Variants in ARHGAP15 observed in about 807,000 individuals in gnomAD.
ARHGAP15 encodes rho GTPase-activating protein 15.
ARHGAP15 carries 51 observed loss-of-function variants against 63.7 expected under a neutral mutation model. The ratio of observed to expected loss-of-function variants is 0.80; its 90% CI spans 0.64 to 1.01. The LOEUF (loss-of-function observed/expected upper bound fraction) is 1.01, where lower values mean the gene tolerates loss of function less well. Ranked by LOEUF, ARHGAP15 falls within the 50% of genes least tolerant of loss-of-function variation. ARHGAP15 has a pLI of 0.00. For synonymous variants in ARHGAP15, 191 were observed against 193.8 expected (o/e 0.99, Z 0.12); for missense variants, 560 against 564.6 (o/e 0.99, Z 0.08).
At chr2:143,669,419 G>C (rs990768015) in intron 12 of ARHGAP15, among the ~76,000 whole-genome samples, 1 of 152,144 alleles carries the variant, frequency 6.6e-6, no homozygotes, top group African/African-American at 2.4e-5. Flanking sequence ...CTAATGCCTA[G>C]AACAGTGCCT....
rs555422054 is a variant in ARHGAP15, at chr2:143,454,649, C to T, written c.703+17607C>T. 5.3e-5 allele frequency among the ~76,000 whole-genome samples: 8 copies of T among 152,152 alleles called. No homozygotes were observed. In the East Asian group the frequency reaches 1.5e-3, roughly 29 times the overall value. The stretch of plus-strand genomic sequence containing the variant: ...AAGATGCAAGTTGCACAGAGCAATA[C>T]TCCTCCTAATATTTTTCTTACGTTC... On this transcript the variant is annotated intron_variant, in intron 8 of 13. Transcript: ENST00000295095.
chr2:143,167,318 C>T (rs2105037881), intron 2 of ARHGAP15, among the ~76,000 whole-genome samples: 1 of 152,202 alleles, frequency 6.6e-6, no homozygotes, highest in Admixed American at 6.5e-5. Flanking sequence ...CTTTAAAGTA[C>T]TTGCTGGCCA....
intron 13 of ARHGAP15, among the ~76,000 whole-genome samples, chr2:143,748,689 T>C (rs1392665686): frequency 6.6e-6 from 1 of 152,168 alleles, no homozygotes; most frequent in Non-Finnish European, 1.5e-5. Context: ...TAAGGTAAAG[T>C]GTATTAACTT....
At chr2:143,323,204 G>C (rs951643168) in intron 6 of ARHGAP15, among the ~76,000 whole-genome samples, 1 of 152,190 alleles carries the variant, frequency 6.6e-6, no homozygotes, top group African/African-American at 2.4e-5. Context: ...ACACGTACAG[G>C]TTTGTTACAT....
At chr2:143,413,760 C>T (rs1688543930) in intron 6 of ARHGAP15, among the ~76,000 whole-genome samples, 1 of 152,118 alleles carries the variant, frequency 6.6e-6, no homozygotes, top group South Asian at 2.1e-4. Flanking sequence ...AGGCATGAGC[C>T]ACTTCAACCA....
intron 2 of ARHGAP15, among the ~76,000 whole-genome samples, chr2:143,178,882 G>C (rs1427901795): frequency 6.6e-6 from 1 of 152,188 alleles, no homozygotes; most frequent in Non-Finnish European, 1.5e-5. Context: ...ATATAGAATT[G>C]CTTGAGCACC....
intron 6 of ARHGAP15, among the ~76,000 whole-genome samples, chr2:143,357,953 A>G (rs1685877245): frequency 1.3e-5 from 2 of 152,346 alleles, no homozygotes. Context: ...AACTTGATGT[A>G]TCGAGTAAGG....
At chr2:143,650,109 A>G (rs1681088029) in intron 12 of ARHGAP15, among the ~76,000 whole-genome samples, 1 of 151,824 alleles carries the variant, frequency 6.6e-6, no homozygotes, top group East Asian at 1.9e-4. Flanking sequence ...CTGGGGAAAA[A>G]AATGATAACT....
chr2:143,289,438 G>A (rs940237466), intron 6 of ARHGAP15, among the ~76,000 whole-genome samples: 5 of 152,220 alleles, frequency 3.3e-5, no homozygotes, highest in African/African-American at 7.2e-5. Context: ...GGAGTTTGAT[G>A]TATTGAAAGG....
At chr2:143,168,275 G>A (rs1690627727) in intron 2 of ARHGAP15, among the ~76,000 whole-genome samples, 1 of 151,982 alleles carries the variant, frequency 6.6e-6, no homozygotes, top group South Asian at 2.1e-4. Flanking sequence ...GGGTGCAAGT[G>A]CAAGCAATCC....
intron 11 of ARHGAP15, among the ~76,000 whole-genome samples, chr2:143,557,586 G>A (rs968954944): frequency 6.6e-6 from 1 of 151,960 alleles, no homozygotes; most frequent in African/African-American, 2.4e-5. Context: ...CCCATAAAAT[G>A]CAACACAAAG....
chr2:143,335,865 C>T (rs1684749293), intron 6 of ARHGAP15, among the ~76,000 whole-genome samples: 1 of 152,118 alleles, frequency 6.6e-6, no homozygotes, highest in Non-Finnish European at 1.5e-5. Flanking sequence ...AGAGGAAATG[C>T]ACTCCAAGAA....
chr2:143,486,714 C>T (rs1447477577), intron 8 of ARHGAP15, among the ~76,000 whole-genome samples: 1 of 152,112 alleles, frequency 6.6e-6, no homozygotes, highest in Admixed American at 6.5e-5. Context: ...AATATTTGTT[C>T]AGGAGTGAAT....
intron 11 of ARHGAP15, among the ~76,000 whole-genome samples, chr2:143,616,830 T>C (rs1455071855): frequency 6.6e-6 from 1 of 152,246 alleles, no homozygotes; most frequent in Non-Finnish European, 1.5e-5. Flanking sequence ...AGTTTTCATA[T>C]TTAAAACCAC....
intron 2 of ARHGAP15, among the ~76,000 whole-genome samples, chr2:143,175,200 TGA>T (rs538931286): frequency 5.6e-4 from 85 of 152,196 alleles, no homozygotes; most frequent in African/African-American, 2.0e-3. Context: ...ACCAATGAAC[TGA>T]GAGTCTTGGG....
At chr2:143,663,242 G>T (rs1238818640) in intron 12 of ARHGAP15, among the ~76,000 whole-genome samples, 1 of 146,856 alleles carries the variant, frequency 6.8e-6, no homozygotes, top group Admixed American at 6.8e-5. Context: ...CAAGCCAGAA[G>T]AGAGTGGGGG....
intron 13 of ARHGAP15, among the ~76,000 whole-genome samples, chr2:143,745,911 G>C (rs143142401): frequency 2.8e-3 from 425 of 152,316 alleles, no homozygotes; most frequent in African/African-American, 1.0e-2. Flanking sequence ...AGCCAGAAGA[G>C]AAAAATCAGG....
At chr2:143,225,248 A>G (rs1285996328) in intron 4 of ARHGAP15, among the ~76,000 whole-genome samples, 1 of 152,052 alleles carries the variant, frequency 6.6e-6, no homozygotes, top group Non-Finnish European at 1.5e-5. Flanking sequence ...CATGTCTTTC[A>G]GTTATTCAAA....
intron 11 of ARHGAP15, among the ~76,000 whole-genome samples, chr2:143,613,368 C>G (rs1240312396): frequency 6.6e-6 from 1 of 151,946 alleles, no homozygotes; most frequent in East Asian, 1.9e-4. Context: ...AAAGCAAATC[C>G]CATGGTTGAT....
Sources: allele counts gnomAD v4.1 joint callset (sites outside exome capture counted in the v4.1 genomes callset), GRCh38; gene constraint gnomAD v4.1.1; transcripts MANE v1.5; gene names NCBI Gene and HGNC (gene_info 2026-07-23, HGNC 2026-07-21).